Variants in AKAP9 observed in about 807,000 individuals in gnomAD.
The protein encoded by AKAP9 is A-kinase anchor protein 9.
A neutral mutation model predicts 488.5 loss-of-function variants in AKAP9; 311 were observed. The ratio of observed to expected loss-of-function variants is 0.64; its 90% CI spans 0.58 to 0.70. AKAP9 has a LOEUF of 0.70. AKAP9 is among the 30% of genes least tolerant of loss of function. The pLI is 0.00. For synonymous variants in AKAP9, 1,462 were observed against 1,483.5 expected, an observed-to-expected ratio of 0.99 and a Z score of 0.33; for missense variants, 4,215 against 4,374.5, an observed-to-expected ratio of 0.96 and a Z score of 1.03.
In AKAP9 at chr7:92,099,671, C is replaced by G. The variant is rs78850308; in HGVS notation, c.10714-16C>G. ...CATTTGTGCTTAAGTGACCTTACAC[C>G]ATTTTATTTTTCCAGCCCAGCTTGG... On this transcript the variant is annotated splice_polypyrimidine_tract_variant and intron_variant, in intron 43 of 49. Coordinates refer to ENST00000356239, the MANE Select transcript of AKAP9 (RefSeq NM_005751.5). The G allele has an allele frequency of 1.2e-5, 19 of 1,613,590 alleles. No individual in the cohort carries two copies. In the East Asian group the frequency reaches 4.2e-4, roughly 36 times the overall value.
At chr7:91,986,265 G>A (rs1372406755) in intron 3 of AKAP9, among the ~76,000 whole-genome samples, 1 of 152,188 alleles carries the variant, frequency 6.6e-6, no homozygotes. Context: ...GCGCAGTATT[G>A]GGCGGGAGTG....
intron 22 of AKAP9, among the ~76,000 whole-genome samples, chr7:92,059,866 C>A (rs561010614): frequency 7.2e-5 from 11 of 151,736 alleles, no homozygotes; most frequent in Non-Finnish European, 1.5e-5. Flanking sequence ...AAAACTCTTT[C>A]CAGTTAAAAG....
chr7:92,030,510 C>T (rs148067904), intron 15 of AKAP9, among the ~76,000 whole-genome samples: 18 of 152,168 alleles, frequency 1.2e-4, no homozygotes, highest in African/African-American at 4.3e-4. Context: ...AGCGTGGTGG[C>T]ACTCGCCTGT....
intron 1 of AKAP9, among the ~76,000 whole-genome samples, chr7:91,943,642 A>G (rs1253524076): frequency 6.6e-6 from 1 of 152,238 alleles, no homozygotes; most frequent in Non-Finnish European, 1.5e-5. Context: ...AGAATTACTA[A>G]GAAAGCTTTA....
At chr7:92,034,496 A>T (rs1215875601) in intron 16 of AKAP9, among the ~76,000 whole-genome samples, 380 of 104,192 alleles carry the variant, frequency 3.6e-3, no homozygotes, top group African/African-American at 8.9e-3. Flanking sequence ...ATATATATAT[A>T]TATTTTTTTT....
At chr7:92,071,969 T>C (rs1450836290) in intron 28 of AKAP9, among the ~76,000 whole-genome samples, 1 of 125,014 alleles carries the variant, frequency 8.0e-6, no homozygotes, top group Admixed American at 7.7e-5. Flanking sequence ...TTTTGACTTT[T>C]GATTTTTTTT....
chr7:92,061,652 AAAT>A (rs1809872858), intron 23 of AKAP9, among the ~76,000 whole-genome samples: 1 of 143,868 alleles, frequency 7.0e-6, no homozygotes, highest in Non-Finnish European at 1.5e-5. Flanking sequence ...GAGTTACAGA[AAAT>A]AATAATTTCA....
At position 92,038,405 on chromosome 7, in the gene AKAP9, T is replaced by A; in HGVS notation, c.4339-14T>A. The A allele has an allele frequency of 6.3e-7, 1 of 1,588,710 alleles. No individual in the cohort carries two copies. Among genetic ancestry groups the A allele is most frequent in the Non-Finnish European group, 8.6e-7 (1 of 1,157,336 alleles). The stretch of plus-strand genomic sequence containing the variant: ...CTAAATCTAATCCTTTATTGTTTGC[T>A]TTTATTTCTTTAGGTTATTGTGTCA... On this transcript the variant is annotated splice_polypyrimidine_tract_variant and intron_variant, in intron 16 of 49. Coordinates refer to ENST00000356239, the MANE Select transcript of AKAP9 (RefSeq NM_005751.5).
intron 10 of AKAP9, among the ~76,000 whole-genome samples, chr7:92,015,922 A>G (rs1024631823): frequency 3.3e-5 from 5 of 152,186 alleles, no homozygotes; most frequent in African/African-American, 9.7e-5. Context: ...GAAGTTTATT[A>G]TCTTCCTGAT....
intron 1 of AKAP9, among the ~76,000 whole-genome samples, chr7:91,944,588 T>C (rs1453803891): frequency 6.6e-6 from 1 of 152,106 alleles, no homozygotes; most frequent in African/African-American, 2.4e-5. Flanking sequence ...GGTTTCACCA[T>C]GTTGGCCAGG....
chr7:92,005,883 G>T (rs575189833), intron 8 of AKAP9, among the ~76,000 whole-genome samples: 28 of 152,062 alleles, frequency 1.8e-4, no homozygotes, highest in Non-Finnish European at 2.9e-4. Context: ...TGGCCAGTTT[G>T]GTCTCAAACT....
chr7:92,100,547 G>A (rs1817356722), intron 44 of AKAP9, among the ~76,000 whole-genome samples: 1 of 152,094 alleles, frequency 6.6e-6, no homozygotes, highest in South Asian at 2.1e-4. Context: ...TCAGGCACAG[G>A]CTCAAAATTT....
chr7:91,945,333 C>T (rs963887791), intron 1 of AKAP9, among the ~76,000 whole-genome samples: 8 of 152,126 alleles, frequency 5.3e-5, no homozygotes, highest in Non-Finnish European at 1.0e-4. Context: ...ATGGCAAAAC[C>T]CCGTCTCTAC....
At chr7:91,982,126 T>C (rs867104912) in intron 3 of AKAP9, among the ~76,000 whole-genome samples, 4 of 151,908 alleles carry the variant, frequency 2.6e-5, no homozygotes, top group African/African-American at 7.3e-5. Context: ...ATAGAGCAAA[T>C]TTTAATTTAA....
chr7:92,050,395 G>A (rs967203607), intron 21 of AKAP9, among the ~76,000 whole-genome samples: 3 of 151,976 alleles, frequency 2.0e-5, no homozygotes, highest in African/African-American at 7.2e-5. Context: ...GTGCCCAGCT[G>A]ATTTGACAAC....
intron 49 of AKAP9, chr7:92,108,882 T>C (rs1040602222): frequency 2.4e-5 from 13 of 532,216 alleles, no homozygotes; most frequent in African/African-American, 3.8e-5. Flanking sequence ...ACTATGTTCA[T>C]TCAGCGGACT....
At chr7:92,054,665 T>C (rs1187755764) in intron 22 of AKAP9, among the ~76,000 whole-genome samples, 1 of 152,098 alleles carries the variant, frequency 6.6e-6, no homozygotes, top group Non-Finnish European at 1.5e-5. Flanking sequence ...TTATTTACTT[T>C]AGATATTTGA....
intron 37 of AKAP9, 146 bp downstream of exon 37, chr7:92,086,562 G>GTAT: frequency 1.5e-6 from 1 of 674,304 alleles, no homozygotes. Flanking sequence ...CTATTTTAAC[G>GTAT]TATTATGTTA....
At chr7:91,952,741 G>A (rs1193860665) in intron 1 of AKAP9, among the ~76,000 whole-genome samples, 1 of 152,208 alleles carries the variant, frequency 6.6e-6, no homozygotes, top group Non-Finnish European at 1.5e-5. Context: ...GCTCCATCTT[G>A]AAAATCCTTG....
Sources: gnomAD v4.1 joint callset for allele counts (sites outside exome capture counted in the v4.1 genomes callset) on GRCh38, gnomAD v4.1.1 for gene constraint, MANE v1.5 for transcripts, NCBI Gene and HGNC (gene_info 2026-07-23, HGNC 2026-07-21) for gene names.